SEMA6D: variants seen among roughly 807,000 people sequenced by gnomAD.
SEMA6D encodes the protein semaphorin 6D, also known as semaphorin-6D.
A neutral mutation model predicts 106.6 loss-of-function variants in SEMA6D; 35 were observed. The observed-to-expected ratio is 0.33, with a 90% confidence interval of 0.25 to 0.44. SEMA6D has a LOEUF of 0.44. Among genes scored for constraint, SEMA6D ranks in the 20% least tolerant of loss-of-function variants. SEMA6D has a pLI of 1.00. For synonymous variants in SEMA6D, 499 were observed against 487.7 expected, an observed-to-expected ratio of 1.02 and a Z score of -0.31; for missense variants, 1,185 against 1,345.9, an observed-to-expected ratio of 0.88 and a Z score of 1.87.
At chr15:47,257,532 C>G (rs1016252536) in intron 1 of SEMA6D, among the ~76,000 whole-genome samples, 1 of 151,980 alleles carries the variant, frequency 6.6e-6, no homozygotes, top group Admixed American at 6.5e-5. Context: ...ATTTAATAGA[C>G]TTTTTCTTTG....
At chr15:47,318,956 C>T (rs780626044) in intron 1 of SEMA6D, among the ~76,000 whole-genome samples, 1 of 152,150 alleles carries the variant, frequency 6.6e-6, no homozygotes, top group African/African-American at 2.4e-5. Flanking sequence ...TAATGATTGC[C>T]ATTCTAACTG....
At chr15:47,459,609 T>C (rs2042440493) in intron 2 of SEMA6D, among the ~76,000 whole-genome samples, 1 of 152,024 alleles carries the variant, frequency 6.6e-6, no homozygotes, top group African/African-American at 2.4e-5. Context: ...AAATTCTGTA[T>C]TGACTACACT....
intron 2 of SEMA6D, among the ~76,000 whole-genome samples, chr15:47,465,471 T>C (rs779542266): frequency 6.6e-6 from 1 of 152,144 alleles, no homozygotes; most frequent in Non-Finnish European, 1.5e-5. Flanking sequence ...GTTTCTGACT[T>C]TATGTTCTAA....
intron 4 of SEMA6D, among the ~76,000 whole-genome samples, chr15:47,645,739 G>A (rs571514070): frequency 4.6e-5 from 7 of 152,192 alleles, no homozygotes; most frequent in East Asian, 1.9e-4. Context: ...CATAAGCCCC[G>A]GGTGGTTGGC....
intron 3 of SEMA6D, among the ~76,000 whole-genome samples, chr15:47,510,680 A>G (rs2044199227): frequency 6.6e-6 from 1 of 152,224 alleles, no homozygotes; most frequent in South Asian, 2.1e-4. Context: ...TGCAGCAGTA[A>G]GTGCCACAGG....
At chr15:47,488,134 T>C (rs990172246) in intron 3 of SEMA6D, among the ~76,000 whole-genome samples, 9 of 152,212 alleles carry the variant, frequency 5.9e-5, no homozygotes, top group African/African-American at 2.2e-4. Flanking sequence ...TTTTTTACAT[T>C]TTTGTTTCTG....
intron 1 of SEMA6D, among the ~76,000 whole-genome samples, chr15:47,358,964 T>C (rs4774494): frequency 0.14 from 21,402 of 152,162 alleles, 1,625 homozygotes; most frequent in Admixed American, 0.18. Context: ...AAGAGAAGGC[T>C]TTTCACGCTC....
intron 3 of SEMA6D, among the ~76,000 whole-genome samples, chr15:47,592,312 C>T (rs948152155): frequency 1.3e-5 from 2 of 152,194 alleles, no homozygotes; most frequent in Non-Finnish European, 2.9e-5. Flanking sequence ...GTGAACCAGT[C>T]CTTCCATGTT....
chr15:47,726,910 T>C (rs890609547), intron 1 of SEMA6D, among the ~76,000 whole-genome samples: 1 of 152,176 alleles, frequency 6.6e-6, no homozygotes, highest in Non-Finnish European at 1.5e-5. Context: ...ACAGCTACCC[T>C]GCACTCCCAC....
chr15:47,419,804 G>A (rs529013295), intron 2 of SEMA6D, among the ~76,000 whole-genome samples: 33 of 152,242 alleles, frequency 2.2e-4, no homozygotes, highest in Middle Eastern at 3.4e-3. Flanking sequence ...AGACTTTCAG[G>A]AAGTATGAGG....
chr15:47,271,336 G>A lies in SEMA6D; in HGVS notation c.-239+86918G>A, dbSNP rs186913768. On this transcript the variant is annotated intron_variant, in intron 1 of 19. Transcript: ENST00000558014. ...GTCATCCACAAGTCTTATGAGAGCC[G>A]TGCGGAAGGACAGGGCTGGGTCTTA... 2.2e-3 allele frequency among the ~76,000 whole-genome samples: 339 copies of A among 152,290 alleles called. 3 individuals are homozygous for A. The highest frequency in any genetic ancestry group is 7.5e-3 in the African/African-American group (311 of 41,574).
chr15:47,681,048 A>G (rs2078342231), intron 4 of SEMA6D, among the ~76,000 whole-genome samples: 1 of 152,248 alleles, frequency 6.6e-6, no homozygotes, highest in Admixed American at 6.5e-5. Context: ...AACTAAAACT[A>G]GAACTACTAT....
intron 4 of SEMA6D, among the ~76,000 whole-genome samples, chr15:47,629,551 G>A (rs2077259591): frequency 6.6e-6 from 1 of 151,922 alleles, no homozygotes; most frequent in African/African-American, 2.4e-5. Context: ...CCAGCATCCT[G>A]AGTGTTTATC....
intron 1 of SEMA6D, among the ~76,000 whole-genome samples, chr15:47,729,983 G>A (rs913994865): frequency 1.4e-4 from 22 of 152,190 alleles, no homozygotes; most frequent in Admixed American, 1.2e-3. Flanking sequence ...TGATGGGCGG[G>A]AGAGAGTCTA....
intron 1 of SEMA6D, chr15:47,274,231 A>G (rs1390797825): frequency 2.6e-5 from 4 of 152,168 alleles, no homozygotes; most frequent in Non-Finnish European, 5.9e-5. Flanking sequence ...AGAAAAGGGA[A>G]GGTTTGTAGT....
rs1157822802 is a variant in SEMA6D at position 47,699,744 on chromosome 15, CCAAGA to C, written c.-54-59991_-54-59987del. On this transcript the variant is annotated intron_variant, in intron 4 of 19. Transcript: ENST00000558014. ...AGACATTTCACTTTCCCCATGAAGA[CCAAGA>C]CAAGACAAGGATGTCACTTCTCGCT... is the stretch of plus-strand genomic sequence containing the variant. 4.6e-5 allele frequency among the ~76,000 whole-genome samples: 7 copies of C among 152,142 alleles called. 1 individual carries two copies. The highest frequency in any genetic ancestry group is 3.9e-4 in the Admixed American group (6 of 15,270).
intron 4 of SEMA6D, among the ~76,000 whole-genome samples, chr15:47,683,367 G>C (rs1269334111): frequency 6.6e-6 from 1 of 152,124 alleles, no homozygotes; most frequent in African/African-American, 2.4e-5. Flanking sequence ...AGCTCCATCA[G>C]TGTTGCTGCA....
chr15:47,292,223 A>G (rs1439714078), intron 1 of SEMA6D, among the ~76,000 whole-genome samples: 1 of 152,216 alleles, frequency 6.6e-6, no homozygotes, highest in Non-Finnish European at 1.5e-5. Flanking sequence ...GATAGAAACT[A>G]AAAGAGTATA....
intron 4 of SEMA6D, among the ~76,000 whole-genome samples, chr15:47,692,586 A>T (rs78794702): frequency 6.6e-6 from 1 of 152,182 alleles, no homozygotes; most frequent in South Asian, 2.1e-4. Flanking sequence ...TTAAAAACAT[A>T]TTATACCTGA....
Sources: allele counts gnomAD v4.1 joint callset (sites outside exome capture counted in the v4.1 genomes callset), GRCh38; gene constraint gnomAD v4.1.1; transcripts MANE v1.5; gene names NCBI Gene and HGNC (gene_info 2026-07-23, HGNC 2026-07-21).